TRDN: variants seen among roughly 807,000 people sequenced by gnomAD.
The protein encoded by TRDN is triadin, also known as triadin in skeletal muscle.
In TRDN, 161 loss-of-function variants were observed where a neutral mutation model predicts 149.7. The observed-to-expected ratio is 1.08, with a 90% CI of 0.95 to 1.23. The LOEUF (loss-of-function observed/expected upper bound fraction) is 1.23. TRDN is among the 50% of genes most tolerant of loss of function. The pLI is 0.00. For missense variants in TRDN, 896 were observed against 823.5 expected, an observed-to-expected ratio of 1.09 and a Z score of -1.08; for synonymous variants, 294 against 250.5, an observed-to-expected ratio of 1.17 and a Z score of -1.64.
At chr6:123,379,671 T>C (rs888396403) in intron 16 of TRDN, among the ~76,000 whole-genome samples, 5 of 152,204 alleles carry the variant, frequency 3.3e-5, no homozygotes, top group African/African-American at 1.2e-4. Context: ...TGTGCTAATT[T>C]GTTCATTATA....
intron 24 of TRDN, among the ~76,000 whole-genome samples, chr6:123,293,266 G>T (rs766818769): frequency 6.6e-6 from 1 of 152,006 alleles, no homozygotes; most frequent in Non-Finnish European, 1.5e-5. Flanking sequence ...TTGGTAAATA[G>T]AACTCTCCCC....
intron 24 of TRDN, among the ~76,000 whole-genome samples, chr6:123,284,324 G>C (rs986355072): frequency 9.2e-5 from 14 of 151,682 alleles, no homozygotes; most frequent in Non-Finnish European, 1.9e-4. Flanking sequence ...TCATGATCAC[G>C]TGTGTTTCAT....
chr6:123,344,926 A>G (rs1780198206), intron 21 of TRDN, among the ~76,000 whole-genome samples: 1 of 151,942 alleles, frequency 6.6e-6, no homozygotes, highest in South Asian at 2.1e-4. Flanking sequence ...AGCATTTTGT[A>G]TTGTTAGTGT....
intron 12 of TRDN, among the ~76,000 whole-genome samples, chr6:123,434,981 T>G (rs1016889290): frequency 5.9e-5 from 9 of 151,882 alleles, no homozygotes; most frequent in Non-Finnish European, 2.9e-5. Flanking sequence ...TGGCAAAGTG[T>G]GATTTACCAG....
Position 123,625,940 on chromosome 6 carries a change from C to T in TRDN, c.22+10814G>A, listed in dbSNP as rs1785640000. 2.6e-5 allele frequency among the ~76,000 whole-genome samples: 4 copies of T among 152,176 alleles called. 1 individual carries two copies. Among genetic ancestry groups the T allele is most frequent in the Middle Eastern group, 6.8e-3 (2 of 294 alleles). ...AAGACAAGAGTGAAGTTGGCCACAT[C>T]GATGGACTCCACATTTCATGAAAGA... On this transcript the variant is annotated intron_variant, in intron 1 of 40. Transcript: ENST00000334268.
chr6:123,552,099 C>G (rs1562382789), intron 2 of TRDN, among the ~76,000 whole-genome samples: 2 of 152,072 alleles, frequency 1.3e-5, no homozygotes, highest in Admixed American at 6.6e-5. Flanking sequence ...ACCTTCAGCA[C>G]TTCTGTTATA....
chr6:123,493,336 G>C (rs538242281), intron 9 of TRDN, among the ~76,000 whole-genome samples: 1 of 152,212 alleles, frequency 6.6e-6, no homozygotes, highest in East Asian at 1.9e-4. Flanking sequence ...GATTATCCCT[G>C]ACCCTAGGAT....
In TRDN at chr6:123,568,051, G is replaced by T. The variant is rs375138117; in HGVS notation, c.232+2872C>A. Among the ~76,000 whole-genome samples, 18 of 152,284 alleles carry T rather than the reference G, an allele frequency of 1.2e-4. 1 individual carries two copies. Among genetic ancestry groups the T allele is most frequent in the African/African-American group, 4.3e-4 (18 of 41,568 alleles). On this transcript the variant is annotated intron_variant, in intron 2 of 40. Coordinates refer to ENST00000334268, the MANE Select transcript of TRDN (RefSeq NM_006073.4). ...CTTCCAAGACACAATGAGGGTATAG[G>T]CATTGGGTAAACATTACTGTTCCAA...
chr6:123,505,411 A>G (rs1240835954), intron 7 of TRDN, among the ~76,000 whole-genome samples: 1 of 152,148 alleles, frequency 6.6e-6, no homozygotes, highest in East Asian at 1.9e-4. Flanking sequence ...TTGCAAACCA[A>G]AAATCATCTG....
chr6:123,359,852 C>T (rs978165351), intron 20 of TRDN, among the ~76,000 whole-genome samples: 4 of 151,958 alleles, frequency 2.6e-5, no homozygotes, highest in African/African-American at 4.8e-5. Context: ...CCTGCCACCA[C>T]GCCTGGCTAA....
At chr6:123,354,752 T>C (rs539971977) in intron 20 of TRDN, among the ~76,000 whole-genome samples, 3 of 151,648 alleles carry the variant, frequency 2.0e-5, no homozygotes, top group Non-Finnish European at 4.4e-5. Flanking sequence ...TTAGACAGTG[T>C]GAGGAAGAAG....
At chr6:123,266,905 G>A (rs1489533775) in intron 32 of TRDN, among the ~76,000 whole-genome samples, 4 of 144,564 alleles carry the variant, frequency 2.8e-5, no homozygotes, top group African/African-American at 5.1e-5. Context: ...TCAGGAGATC[G>A]AGACCATCCT....
chr6:123,525,828 T>C (rs1234186334), intron 5 of TRDN, among the ~76,000 whole-genome samples: 1 of 152,060 alleles, frequency 6.6e-6, no homozygotes, highest in African/African-American at 2.4e-5. Context: ...CACGATGCTG[T>C]TTAAGTAATT....
chr6:123,574,848 TTATATATACATA>T (rs1235765516), intron 1 of TRDN, among the ~76,000 whole-genome samples: 5,079 of 102,394 alleles, frequency 0.05, 152 homozygotes, highest in East Asian at 0.085. Flanking sequence ...GAACATGAAT[TTATATATACATA>T]TATATATATA....
At chr6:123,395,972 CT>C (rs1167581713) in intron 12 of TRDN, among the ~76,000 whole-genome samples, 1 of 152,170 alleles carries the variant, frequency 6.6e-6, no homozygotes, top group East Asian at 1.9e-4. Context: ...TTCAGTAAGT[CT>C]GCCAGCTTGC....
At chr6:123,498,016 C>T (rs35786400) in intron 8 of TRDN, among the ~76,000 whole-genome samples, 15,058 of 152,116 alleles carry the variant, frequency 0.099, 1,029 homozygotes, top group South Asian at 0.21. Flanking sequence ...AAAGACATTG[C>T]ACTTAACTTT....
intron 24 of TRDN, among the ~76,000 whole-genome samples, chr6:123,289,555 AGC>A (rs1777924603): frequency 1.3e-5 from 2 of 152,130 alleles, no homozygotes; most frequent in Non-Finnish European, 2.9e-5. Flanking sequence ...CACTTCCACT[AGC>A]GTGCCATGTC....
chr6:123,321,641 C>T (rs1356015981), intron 23 of TRDN, among the ~76,000 whole-genome samples: 1 of 152,080 alleles, frequency 6.6e-6, no homozygotes, highest in Non-Finnish European at 1.5e-5. Context: ...CACACACTCA[C>T]ACTCTTCCAC....
intron 13 of TRDN, among the ~76,000 whole-genome samples, chr6:123,391,517 T>C (rs969718193): frequency 6.6e-6 from 1 of 152,034 alleles, no homozygotes; most frequent in Admixed American, 6.6e-5. Flanking sequence ...ATTCCTTATA[T>C]CTACCTAAAT....
Sources: allele counts gnomAD v4.1 joint callset (sites outside exome capture counted in the v4.1 genomes callset), GRCh38; gene constraint gnomAD v4.1.1; transcripts MANE v1.5; gene names NCBI Gene and HGNC (gene_info 2026-07-23, HGNC 2026-07-21).